ULK4: variants seen among roughly 807,000 people sequenced by gnomAD.
ULK4 encodes the protein unc-51 like kinase 4, also known as inactive serine/threonine-protein kinase ULK4.
Under a neutral mutation model 160.6 loss-of-function variants are expected in ULK4, and 133 were observed. The ratio of observed to expected loss-of-function variants is 0.83; its 90% CI spans 0.72 to 0.96. The LOEUF is 0.96. Ranked by LOEUF, ULK4 falls within the 40% of genes least tolerant of loss-of-function variation. The pLI is 0.00. For synonymous variants in ULK4, 534 were observed against 539.8 expected, an observed-to-expected ratio of 0.99 and a Z score of 0.15; for missense variants, 1,580 against 1,499.5, an observed-to-expected ratio of 1.05 and a Z score of -0.89.
At chr3:41,904,683 C>G (rs926619055) in intron 12 of ULK4, among the ~76,000 whole-genome samples, 1 of 152,064 alleles carries the variant, frequency 6.6e-6, no homozygotes, top group African/African-American at 2.4e-5. Context: ...AATTTCAAAG[C>G]AGAAATAAGC....
At chr3:41,539,747 A>G (rs2086631798) in intron 32 of ULK4, among the ~76,000 whole-genome samples, 1 of 152,154 alleles carries the variant, frequency 6.6e-6, no homozygotes, top group Admixed American at 6.5e-5. Flanking sequence ...ACATCACATT[A>G]CAGACAAATC....
intron 17 of ULK4, among the ~76,000 whole-genome samples, chr3:41,855,323 C>T (rs917594181): frequency 6.6e-6 from 1 of 152,150 alleles, no homozygotes; most frequent in East Asian, 1.9e-4. Flanking sequence ...CCATTCCAGG[C>T]AGAGAAAACC....
chr3:41,694,514 T>C lies in ULK4; in HGVS notation c.2781+10543A>G, dbSNP rs539007448. Among the ~76,000 whole-genome samples, 24 of 152,258 alleles carry C rather than the reference T, an allele frequency of 1.6e-4. 1 individual carries two copies. In the South Asian group the frequency reaches 5.0e-3, roughly 32 times the overall value. On this transcript the variant is annotated intron_variant, in intron 27 of 36. Transcript: ENST00000301831. ...ATGGGATAGGGCAGACAATCTGACC[T>C]GGGGGATGAGAAGTCTAGGTTCACA...
intron 35 of ULK4, among the ~76,000 whole-genome samples, chr3:41,383,687 A>G (rs903876893): frequency 5.3e-5 from 8 of 152,224 alleles, no homozygotes; most frequent in Admixed American, 1.3e-4. Context: ...GATCCCTCAC[A>G]GTAAACTTTC....
At chr3:41,787,666 A>C (rs1353094564) in intron 21 of ULK4, among the ~76,000 whole-genome samples, 2 of 152,242 alleles carry the variant, frequency 1.3e-5, no homozygotes, top group Non-Finnish European at 2.9e-5. Context: ...CAATGTGAAC[A>C]TATTTAACAC....
intron 18 of ULK4, among the ~76,000 whole-genome samples, chr3:41,829,071 G>C (rs1239768037): frequency 1.3e-5 from 2 of 151,220 alleles, no homozygotes; most frequent in African/African-American, 4.9e-5. Context: ...AATAAATGGT[G>C]CTGGGAAAAC....
intron 33 of ULK4, among the ~76,000 whole-genome samples, chr3:41,460,098 T>A (rs986558238): frequency 6.6e-6 from 1 of 152,112 alleles, no homozygotes; most frequent in Non-Finnish European, 1.5e-5. Flanking sequence ...GACAGCCCCC[T>A]AAAATAGCCC....
At chr3:41,740,423 T>C (rs2371626) in intron 22 of ULK4, among the ~76,000 whole-genome samples, 10,372 of 151,798 alleles carry the variant, frequency 0.068, 1,341 homozygotes, top group African/African-American at 0.23. Context: ...ATTCATCCTC[T>C]AAAAGGATTA....
chr3:41,374,419 C>T (rs977627316), intron 35 of ULK4, among the ~76,000 whole-genome samples: 19 of 152,170 alleles, frequency 1.2e-4, no homozygotes, highest in African/African-American at 3.9e-4. Flanking sequence ...TCCAGCAGCA[C>T]ATCAAAAAGC....
intron 21 of ULK4, among the ~76,000 whole-genome samples, chr3:41,773,485 A>T (rs60435765): frequency 0.013 from 2,048 of 152,296 alleles, 39 homozygotes; most frequent in African/African-American, 0.046. Flanking sequence ...CTTCAAAGAG[A>T]ATAAAATACC....
intron 20 of ULK4, among the ~76,000 whole-genome samples, chr3:41,793,433 T>G (rs2040208288): frequency 6.6e-6 from 1 of 152,162 alleles, no homozygotes; most frequent in Admixed American, 6.6e-5. Flanking sequence ...ACCATTTCTT[T>G]TTGGTATTTC....
intron 35 of ULK4, among the ~76,000 whole-genome samples, chr3:41,269,106 T>C (rs2079095318): frequency 6.6e-6 from 1 of 152,142 alleles, no homozygotes; most frequent in South Asian, 2.1e-4. Flanking sequence ...TGAAACAAGC[T>C]TTATTACACA....
chr3:41,553,512 G>C (rs1035603298), intron 32 of ULK4, among the ~76,000 whole-genome samples: 11 of 152,030 alleles, frequency 7.2e-5, no homozygotes, highest in African/African-American at 2.7e-4. Flanking sequence ...CTAATGATTA[G>C]GAAAATGCAA....
chr3:41,643,357 T>G (rs908558903), intron 30 of ULK4, among the ~76,000 whole-genome samples: 12 of 152,234 alleles, frequency 7.9e-5, no homozygotes, highest in African/African-American at 2.9e-4. Context: ...CCATCTTGAA[T>G]TAATTTTTGT....
intron 22 of ULK4, among the ~76,000 whole-genome samples, chr3:41,742,648 A>C (rs1463265038): frequency 1.3e-5 from 2 of 152,004 alleles, no homozygotes; most frequent in Non-Finnish European, 2.9e-5. Flanking sequence ...CACTAGTATG[A>C]ATCAGATGTG....
chr3:41,603,518 C>T (rs1454469267), intron 31 of ULK4, among the ~76,000 whole-genome samples: 3 of 152,040 alleles, frequency 2.0e-5, no homozygotes, highest in Non-Finnish European at 4.4e-5. Context: ...TTATACTATA[C>T]CCCAATGAAT....
chr3:41,366,797 C>T (rs1399706521), intron 35 of ULK4, among the ~76,000 whole-genome samples: 1 of 152,122 alleles, frequency 6.6e-6, no homozygotes, highest in Non-Finnish European at 1.5e-5. Flanking sequence ...TCTCTCTATG[C>T]TGGGAGGGTA....
chr3:41,634,191 C>T (rs1575505470), intron 30 of ULK4, among the ~76,000 whole-genome samples: 1 of 152,184 alleles, frequency 6.6e-6, no homozygotes, highest in African/African-American at 2.4e-5. Context: ...TACCAGGGAT[C>T]CTTCACATGG....
intron 29 of ULK4, among the ~76,000 whole-genome samples, chr3:41,665,309 T>A (rs562374053): frequency 6.6e-6 from 1 of 152,038 alleles, no homozygotes; most frequent in Non-Finnish European, 1.5e-5. Context: ...AGGCAACCAA[T>A]GAATTGTAAG....
Sources: allele counts gnomAD v4.1 joint callset (sites outside exome capture counted in the v4.1 genomes callset), GRCh38; gene constraint gnomAD v4.1.1; transcripts MANE v1.5; gene names NCBI Gene and HGNC (gene_info 2026-07-23, HGNC 2026-07-21).